Variants in CAPZA1 observed in about 807,000 individuals in gnomAD.
CAPZA1 encodes the protein capping actin protein of muscle Z-line subunit alpha 1, also known as F-actin-capping protein subunit alpha-1.
Under a neutral mutation model 40.8 loss-of-function variants are expected in CAPZA1, and 10 were observed. The observed-to-expected ratio is 0.25, with a 90% CI of 0.15 to 0.42. The LOEUF (loss-of-function observed/expected upper bound fraction) is 0.42, where lower values mean the gene tolerates loss of function less well. Among genes scored for constraint, CAPZA1 ranks in the 10% least tolerant of loss-of-function variants. CAPZA1 has a pLI of 1.00. For missense variants in CAPZA1, 277 were observed against 353.8 expected (o/e 0.78, Z 1.74); for synonymous variants, 98 against 115.0 (o/e 0.85, Z 0.95).
intron 2 of CAPZA1, among the ~76,000 whole-genome samples, chr1:112,648,362 T>C (rs1671322195): frequency 6.7e-6 from 1 of 148,718 alleles, no homozygotes. Flanking sequence ...TTTTTTTTTT[T>C]TTTTTTTGAC....
At chr1:112,644,165 T>A (rs1288970226) in intron 1 of CAPZA1, among the ~76,000 whole-genome samples, 1 of 148,446 alleles carries the variant, frequency 6.7e-6, no homozygotes, top group Non-Finnish European at 1.5e-5. Flanking sequence ...GGTTTTTTTT[T>A]CTAATTCTCT....
In CAPZA1 at chr1:112,654,471, A is replaced by C; in HGVS notation, c.226A>C (p.Ile76Leu). 6.2e-7 allele frequency: 1 copy of C among 1,610,196 alleles called. No homozygotes were observed. Residue 76 changes from isoleucine (I) to leucine (L), a missense_variant, in exon 5 of 10, where the codon ATT becomes CTT. By Grantham distance (5) the Ile-to-Leu change is conservative. Transcript: ENST00000263168. ...KIEGYEDQVLITEHGDLGNSR... is the reference protein window; with the variant it reads ...KIEGYEDQVLLTEHGDLGNSR... ...TTTAATGATTCTTTGGAAGGTCTTA[A>C]TTACAGAGCACGGTGACCTGGGTAA... is the stretch of plus-strand genomic sequence containing the variant.
At chr1:112,655,124 A>G (rs1000704159) in intron 5 of CAPZA1, among the ~76,000 whole-genome samples, 1 of 152,126 alleles carries the variant, frequency 6.6e-6, no homozygotes, top group African/African-American at 2.4e-5. Flanking sequence ...TGATATAGGC[A>G]TTTTTACACA....
chr1:112,631,394 T>A (rs1670913779), intron 1 of CAPZA1, among the ~76,000 whole-genome samples: 1 of 152,202 alleles, frequency 6.6e-6, no homozygotes, highest in Non-Finnish European at 1.5e-5. Context: ...CATGGGTTCT[T>A]AAAACAGTCC....
At chr1:112,639,759 G>A (rs1247935942) in intron 1 of CAPZA1, among the ~76,000 whole-genome samples, 1 of 148,804 alleles carries the variant, frequency 6.7e-6, no homozygotes, top group East Asian at 2.0e-4. Context: ...TAAAAAAATT[G>A]GCCAGCCGCC....
intron 1 of CAPZA1, among the ~76,000 whole-genome samples, chr1:112,640,062 T>G (rs1200773164): frequency 0.013 from 444 of 34,016 alleles, no homozygotes; most frequent in Admixed American, 0.022. Flanking sequence ...GAGGTGAGGG[T>G]CGCCTCTGCC....
rs1226113375 is a variant in CAPZA1 at position 112,653,646 on chromosome 1, A to G, written c.204A>G (p.Glu68=). The G allele has an allele frequency of 6.2e-7, 1 of 1,604,094 alleles. No individual in the cohort carries two copies. The highest frequency in any genetic ancestry group is 1.3e-5 in the African/African-American group (1 of 74,276). Residue 68 remains glutamate, a synonymous_variant, in exon 4 of 10, where the codon GAA becomes GAG. Coordinates refer to ENST00000263168, the MANE Select transcript of CAPZA1 (RefSeq NM_006135.3). Reference sequence around the variant, plus strand: ...ATCAGTTCACGCCTGTGAAGATAGAAGGATATGAAGATCAGGTAATAATTG... The same window carrying G: ...ATCAGTTCACGCCTGTGAAGATAGAGGGATATGAAGATCAGGTAATAATTG... The part of the protein sequence containing the change: ...NMDQFTPVKI[E]GYEDQVLITE...
Position 112,653,585 on chromosome 1 carries a change from T to A in CAPZA1, c.156-13T>A, listed in dbSNP as rs201469893. ...TTTTTTTTTTTTTTTAAAAAACTTT[T>A]AAAAAAAAACAGTGCATTTGCCCAG... On this transcript the variant is annotated splice_polypyrimidine_tract_variant and intron_variant, in intron 3 of 9. Coordinates refer to ENST00000263168, the MANE Select transcript of CAPZA1 (RefSeq NM_006135.3). 0.016 allele frequency: 23,426 copies of A among 1,448,356 alleles called. 313 individuals carry two copies. Among genetic ancestry groups the A allele is most frequent in the African/African-American group, 0.042 (2,767 of 66,458 alleles). 89.7% of individuals were successfully genotyped at this position (1,448,356 alleles called of 1,614,324 possible). A position where few individuals can be genotyped will look rare whatever the true frequency, so the allele number is the denominator to read the frequency against.
intron 2 of CAPZA1, among the ~76,000 whole-genome samples, chr1:112,649,084 C>A (rs956258089): frequency 1.3e-5 from 2 of 152,150 alleles, no homozygotes; most frequent in African/African-American, 2.4e-5. Flanking sequence ...GCCCAGCTTT[C>A]TTGATATGAT....
intron 1 of CAPZA1, among the ~76,000 whole-genome samples, chr1:112,622,900 TG>T (rs1453890098): frequency 7.3e-5 from 11 of 151,380 alleles, no homozygotes; most frequent in Admixed American, 4.6e-4. Flanking sequence ...TTTTTTTTTT[TG>T]AAACGAAGTC....
chr1:112,644,184 C>CTTTTTTTTTTTTTTTTTTT (rs60802838), intron 1 of CAPZA1, among the ~76,000 whole-genome samples: 1 of 56,782 alleles, frequency 1.8e-5, no homozygotes, highest in African/African-American at 7.9e-5. Context: ...CTTCTCCCAG[C>CTTTTTTTTTTTTTTTTTTT]TTTTTTTTTT....
In CAPZA1 at chr1:112,670,065, C is replaced by A; in HGVS notation, c.794C>A (p.Thr265Asn). The A allele has an allele frequency of 6.2e-7, 1 of 1,613,920 alleles. No individual in the cohort carries two copies. The change falls in exon 10 of 10, where the codon ACC becomes AAC. Residue 265 changes from threonine to asparagine, a missense_variant. Physicochemically the swap from Thr to Asn is moderately conservative, Grantham distance 65. Transcript: ENST00000263168. ...FKALRRQLPV[T>N]RTKIDWNKIL... ...GCCTTGCGCCGGCAGCTTCCAGTTA[C>A]CCGCACCAAAATCGACTGGAACAAG...
rs1306629572 is a variant in CAPZA1, at chr1:112,640,011, TG to T, written c.40-7192del. Among the ~76,000 whole-genome samples, 146 of 99,202 alleles carry T rather than the reference TG, an allele frequency of 1.5e-3. 4 individuals carry two copies. In the East Asian group the frequency reaches 0.036, roughly 24 times the overall value. The allele number at this position is 99,202 out of a possible 152,430, so 65.1% of individuals were successfully genotyped here. On this transcript the variant is annotated intron_variant, in intron 1 of 9. Coordinates refer to ENST00000263168, the MANE Select transcript of CAPZA1 (RefSeq NM_006135.3). ...CCAGCCGCCCCGTCCGGGAGGGAGGTGGGGGGGTCAGCCCCCCGCCCGGCCA... is the reference window on the plus strand; with the variant it reads ...CCAGCCGCCCCGTCCGGGAGGGAGGTGGGGGGTCAGCCCCCCGCCCGGCCA...
chr1:112,637,695 C>T (rs1306918300), intron 1 of CAPZA1, among the ~76,000 whole-genome samples: 1 of 152,200 alleles, frequency 6.6e-6, no homozygotes, highest in Non-Finnish European at 1.5e-5. Flanking sequence ...TCAAGCGTTT[C>T]TCCAGCTTTG....
chr1:112,622,106 T>C (rs1207015493), intron 1 of CAPZA1, among the ~76,000 whole-genome samples: 5 of 152,160 alleles, frequency 3.3e-5, no homozygotes, highest in Admixed American at 1.3e-4. Flanking sequence ...TTTCCTCTTC[T>C]AGCATACTTT....
intron 2 of CAPZA1, among the ~76,000 whole-genome samples, chr1:112,648,192 A>C (rs1468296597): frequency 6.6e-6 from 1 of 152,162 alleles, no homozygotes; most frequent in Non-Finnish European, 1.5e-5. Flanking sequence ...AGTATAAGAT[A>C]TAATAGAAGT....
chr1:112,668,682 C>T (rs1219635191), intron 8 of CAPZA1, among the ~76,000 whole-genome samples: 1 of 152,104 alleles, frequency 6.6e-6, no homozygotes, highest in East Asian at 1.9e-4. Context: ...GACAGGGTTT[C>T]ACCATGTTGA....
intron 1 of CAPZA1, among the ~76,000 whole-genome samples, chr1:112,642,251 T>C (rs1167366847): frequency 1.6e-5 from 2 of 122,696 alleles, no homozygotes; most frequent in African/African-American, 6.2e-5. Flanking sequence ...CTCACTCTTA[T>C]CACCCAGGCT....
At chr1:112,665,127 A>G (rs1020409727) in intron 7 of CAPZA1, among the ~76,000 whole-genome samples, 4 of 151,114 alleles carry the variant, frequency 2.6e-5, no homozygotes, top group African/African-American at 9.7e-5. Context: ...TGTTTTGTTC[A>G]CATATCTCCT....
Sources: gnomAD v4.1 joint callset for allele counts (sites outside exome capture counted in the v4.1 genomes callset) on GRCh38, gnomAD v4.1.1 for gene constraint, MANE v1.5 for transcripts, NCBI Gene and HGNC (gene_info 2026-07-23, HGNC 2026-07-21) for gene names.